FGGY: variants seen among roughly 807,000 people sequenced by gnomAD.
FGGY encodes the protein FGGY carbohydrate kinase domain-containing protein.
In FGGY, 72 loss-of-function variants were observed where a neutral mutation model predicts 71.3. That is an observed-to-expected ratio of 1.01 (90% confidence interval 0.84 to 1.23). The LOEUF (loss-of-function observed/expected upper bound fraction) is 1.23. FGGY is among the 50% of genes most tolerant of loss of function. The probability of loss-of-function intolerance (pLI) is 0.00; values close to 1 mark genes in which losing one functional copy is unlikely to be tolerated. For missense variants in FGGY, 668 were observed against 682.3 expected, an observed-to-expected ratio of 0.98 and a Z score of 0.23; for synonymous variants, 251 against 250.3, an observed-to-expected ratio of 1.00 and a Z score of -0.02.
intron 8 of FGGY, among the ~76,000 whole-genome samples, chr1:59,568,889 C>T (rs1032467369): frequency 5.3e-5 from 8 of 151,754 alleles, no homozygotes; most frequent in Non-Finnish European, 1.0e-4. Context: ...TAAAGTGATA[C>T]GGTAACAGAT....
chr1:59,322,656 A>T (rs2046616936), intron 2 of FGGY, among the ~76,000 whole-genome samples: 1 of 152,186 alleles, frequency 6.6e-6, no homozygotes, highest in Admixed American at 6.5e-5. Flanking sequence ...GTCAGATTAG[A>T]GTGTCTCCCA....
intron 14 of FGGY, among the ~76,000 whole-genome samples, chr1:59,688,850 A>G (rs2097566410): frequency 6.6e-6 from 1 of 151,878 alleles, no homozygotes; most frequent in Non-Finnish European, 1.5e-5. Flanking sequence ...CCCTGGTTCA[A>G]GTGATTCTCC....
At chr1:59,365,701 G>C (rs1009143899) in intron 4 of FGGY, among the ~76,000 whole-genome samples, 1 of 152,176 alleles carries the variant, frequency 6.6e-6, no homozygotes, top group Non-Finnish European at 1.5e-5. Context: ...TAATCTGCAA[G>C]CATAGTTTTC....
intron 8 of FGGY, among the ~76,000 whole-genome samples, chr1:59,593,992 C>T (rs2096488948): frequency 6.6e-6 from 1 of 152,206 alleles, no homozygotes; most frequent in South Asian, 2.1e-4. Flanking sequence ...TAGTTCATAG[C>T]TCTGCAACCC....
chr1:59,521,036 T>TA (rs1553260233), intron 7 of FGGY, among the ~76,000 whole-genome samples: 1 of 130,672 alleles, frequency 7.7e-6, no homozygotes, highest in African/African-American at 2.9e-5. Context: ...AAATTGGGGG[T>TA]GGGGGGGGAT....
At chr1:59,634,064 A>T (rs955270263) in intron 10 of FGGY, among the ~76,000 whole-genome samples, 1 of 152,180 alleles carries the variant, frequency 6.6e-6, no homozygotes, top group African/African-American at 2.4e-5. Context: ...TGGTAGTACC[A>T]GTTTCAGTAG....
chr1:59,376,516 A>T (rs976341232), intron 4 of FGGY, among the ~76,000 whole-genome samples: 2 of 152,224 alleles, frequency 1.3e-5, no homozygotes, highest in African/African-American at 4.8e-5. Flanking sequence ...GGCCAGTTGT[A>T]TATAAAATAG....
At chr1:59,462,465 C>A (rs967567889) in intron 6 of FGGY, among the ~76,000 whole-genome samples, 14 of 152,030 alleles carry the variant, frequency 9.2e-5, no homozygotes, top group African/African-American at 7.2e-5. Context: ...AATGGGATCT[C>A]ATTAAACTAA....
At chr1:59,469,682 T>G (rs1323434090) in intron 6 of FGGY, among the ~76,000 whole-genome samples, 1 of 152,148 alleles carries the variant, frequency 6.6e-6, no homozygotes. Context: ...TTACATATTA[T>G]TTTGTCACCC....
intron 7 of FGGY, among the ~76,000 whole-genome samples, chr1:59,532,901 A>G (rs1223691979): frequency 6.6e-6 from 1 of 152,220 alleles, no homozygotes; most frequent in Non-Finnish European, 1.5e-5. Context: ...AAAATTAATA[A>G]GTAATTTAGC....
chr1:59,512,452 T>A lies in FGGY; in HGVS notation c.799+13T>A. The A allele has an allele frequency of 6.2e-7, 1 of 1,611,504 alleles. No individual in the cohort carries two copies. The highest frequency in any genetic ancestry group is 1.1e-5 in the South Asian group (1 of 90,662). ...GCAGGAGGACTAGGTAATCTCTTAT[T>A]TGTTGCCTACAGCCAAAACCGTATT... On this transcript the variant is annotated intron_variant, in intron 7 of 15. Transcript: ENST00000303721.
At chr1:59,332,813 C>A (rs558702664) in intron 2 of FGGY, among the ~76,000 whole-genome samples, 1 of 152,202 alleles carries the variant, frequency 6.6e-6, no homozygotes, top group Non-Finnish European at 1.5e-5. Flanking sequence ...CCAATTTTTT[C>A]TATTCCTACT....
rs141116472 is a variant in FGGY, at chr1:59,718,104, C to T, written c.1513-39827C>T. On this transcript the variant is annotated intron_variant, in intron 14 of 15. Transcript: ENST00000303721. ...TCAGGAGAAAACAGGATAGGTGTTA[C>T]GAGCCCAGTTTTACAGATGATGAGA... Among the ~76,000 whole-genome samples the T allele has an allele frequency of 1.3e-4, 20 of 152,246 alleles. No individual in the cohort carries two copies. The South Asian group carries it at 3.7e-3, about 28-fold the overall frequency.
chr1:59,542,435 A>G (rs1019191309), intron 7 of FGGY, among the ~76,000 whole-genome samples: 2 of 67,098 alleles, frequency 3.0e-5, no homozygotes, highest in African/African-American at 9.8e-5. Flanking sequence ...GACTATATGT[A>G]TGTTCTTTAC....
chr1:59,672,768 T>C (rs1278591308), intron 13 of FGGY, among the ~76,000 whole-genome samples: 3 of 152,204 alleles, frequency 2.0e-5, no homozygotes, highest in Non-Finnish European at 4.4e-5. Flanking sequence ...AAATAACTCT[T>C]ATGGCTTGAG....
chr1:59,499,547 G>A (rs533875547), intron 6 of FGGY, among the ~76,000 whole-genome samples: 153 of 152,154 alleles, frequency 1.0e-3, no homozygotes, highest in Middle Eastern at 3.4e-3. Context: ...TTGAAACCAT[G>A]GAAAGCGAAA....
intron 8 of FGGY, among the ~76,000 whole-genome samples, chr1:59,591,014 T>C (rs1298188977): frequency 2.6e-5 from 4 of 152,322 alleles, no homozygotes; most frequent in Non-Finnish European, 5.9e-5. Context: ...TGTTTGCAGA[T>C]GACGTGATTG....
chr1:59,585,803 A>T (rs538925000), intron 8 of FGGY, among the ~76,000 whole-genome samples: 4 of 152,176 alleles, frequency 2.6e-5, no homozygotes, highest in Non-Finnish European at 4.4e-5. Flanking sequence ...GAATCTACAA[A>T]GAACTCAAAC....
chr1:59,375,707 C>T (rs529125815), intron 4 of FGGY, among the ~76,000 whole-genome samples: 4 of 152,184 alleles, frequency 2.6e-5, no homozygotes, highest in South Asian at 4.2e-4. Context: ...AAAGAAAGAA[C>T]GCAGGGACTC....
Sources: allele counts gnomAD v4.1 joint callset (sites outside exome capture counted in the v4.1 genomes callset), GRCh38; gene constraint gnomAD v4.1.1; transcripts MANE v1.5; gene names NCBI Gene and HGNC (gene_info 2026-07-23, HGNC 2026-07-21).